TENM2: variants seen among roughly 807,000 people sequenced by gnomAD.
The protein encoded by TENM2 is teneurin transmembrane protein 2.
In TENM2, 52 loss-of-function variants were observed where a neutral mutation model predicts 245.2. The ratio of observed to expected loss-of-function variants is 0.21; its 90% confidence interval spans 0.17 to 0.27. The LOEUF is 0.27. Among genes scored for constraint, TENM2 ranks in the 10% least tolerant of loss-of-function variants. The pLI is 1.00. For synonymous variants in TENM2, 1,363 were observed against 1,438.9 expected, an observed-to-expected ratio of 0.95 and a Z score of 1.19; for missense variants, 3,046 against 3,666.8, an observed-to-expected ratio of 0.83 and a Z score of 4.37.
intron 3 of TENM2, among the ~76,000 whole-genome samples, chr5:167,931,630 G>A (rs1053406506): frequency 2.0e-4 from 31 of 151,532 alleles, no homozygotes; most frequent in African/African-American, 6.8e-4. Flanking sequence ...GGTGGAGAAT[G>A]AGCTTCTTGC....
the TENM2 span, among the ~76,000 whole-genome samples, chr5:167,243,467 A>G: frequency 6.6e-6 from 1 of 151,906 alleles, no homozygotes; most frequent in Non-Finnish European, 1.5e-5. Context: ...GGTGGGAGCC[A>G]TGGGAAAAAA....
chr5:167,140,890 A>G, the TENM2 span, among the ~76,000 whole-genome samples: 2 of 152,202 alleles, frequency 1.3e-5, no homozygotes, highest in East Asian at 3.8e-4. Context: ...TAGAAGTATC[A>G]TGCAATCTCT....
At position 168,204,104 on chromosome 5, in the gene TENM2, G is replaced by A. The variant is rs766850210; in HGVS notation, c.3575-268G>A. Among the ~76,000 whole-genome samples, 143 of 150,576 alleles carry A rather than the reference G, an allele frequency of 9.5e-4. 3 individuals carry two copies. The highest frequency in any genetic ancestry group is 1.9e-4 in the Non-Finnish European group (13 of 67,718). ...TAGCTCACTGCAACCTCGACTTCCC[G>A]GGCTCAAATGATCCTCCTGCCCCAG... is the stretch of plus-strand genomic sequence containing the variant. On this transcript the variant is annotated intron_variant, in intron 18 of 28. Coordinates refer to ENST00000518659, the Ensembl canonical transcript of TENM2.
chr5:167,082,024 T>G, the TENM2 span, among the ~76,000 whole-genome samples: 1 of 152,182 alleles, frequency 6.6e-6, no homozygotes, highest in African/African-American at 2.4e-5. Flanking sequence ...GCTCTTAAAC[T>G]CGACAGCTCT....
intron 2 of TENM2, among the ~76,000 whole-genome samples, chr5:167,485,690 C>G (rs1267934035): frequency 6.6e-6 from 1 of 151,960 alleles, no homozygotes; most frequent in South Asian, 2.1e-4. Flanking sequence ...TATGAAGAAC[C>G]CTGCCACTAT....
At chr5:167,948,288 G>A (rs1027159394) in intron 3 of TENM2, among the ~76,000 whole-genome samples, 3 of 152,128 alleles carry the variant, frequency 2.0e-5, no homozygotes, top group South Asian at 2.1e-4. Context: ...ACTGCCAACC[G>A]GTAGGCATTT....
At chr5:167,230,843 C>T in the TENM2 span, among the ~76,000 whole-genome samples, 32 of 152,274 alleles carry the variant, frequency 2.1e-4, no homozygotes, top group East Asian at 4.1e-3. Flanking sequence ...GATATGGTTA[C>T]GCTATGTGTC....
the TENM2 span, among the ~76,000 whole-genome samples, chr5:167,179,889 A>G: frequency 3.3e-5 from 5 of 152,174 alleles, no homozygotes; most frequent in African/African-American, 1.2e-4. Context: ...AAAATAATAA[A>G]GAAGAACTTC....
chr5:167,084,159 A>G, the TENM2 span, among the ~76,000 whole-genome samples: 1 of 151,010 alleles, frequency 6.6e-6, no homozygotes, highest in Non-Finnish European at 1.5e-5. Flanking sequence ...CAGAGATGCC[A>G]CATCACACTT....
At chr5:167,497,408 G>A (rs79854656) in intron 2 of TENM2, among the ~76,000 whole-genome samples, 7,132 of 152,030 alleles carry the variant, frequency 0.047, 407 homozygotes, top group African/African-American at 0.13. Flanking sequence ...CCTTTCTAAG[G>A]TACCTCAATA....
the TENM2 span, among the ~76,000 whole-genome samples, chr5:167,245,650 T>C: frequency 6.6e-6 from 1 of 152,122 alleles, no homozygotes; most frequent in East Asian, 1.9e-4. Flanking sequence ...CAATAAGTTA[T>C]GGAACATCAA....
chr5:168,019,439 G>A (rs752503579), intron 5 of TENM2, among the ~76,000 whole-genome samples: 1 of 152,136 alleles, frequency 6.6e-6, no homozygotes, highest in Admixed American at 6.5e-5. Flanking sequence ...AAGAACAATG[G>A]CAGGGCAGGC....
intron 12 of TENM2, chr5:168,130,305 A>C (rs1754458979): frequency 6.6e-6 from 1 of 152,234 alleles, no homozygotes. Context: ...ACTTATTGAC[A>C]GACTGGATTC....
chr5:167,799,180 A>G (rs536136375), intron 2 of TENM2, among the ~76,000 whole-genome samples: 11 of 152,322 alleles, frequency 7.2e-5, no homozygotes, highest in African/African-American at 2.4e-4. Flanking sequence ...ACTCAGCTGT[A>G]TCTCCCAGCA....
the TENM2 span, among the ~76,000 whole-genome samples, chr5:167,269,249 A>G: frequency 1.3e-5 from 2 of 152,048 alleles, no homozygotes; most frequent in Middle Eastern, 3.4e-3. Context: ...CCTTTTAAAC[A>G]TTTTTCCCAT....
intron 2 of TENM2, among the ~76,000 whole-genome samples, chr5:167,791,923 C>T (rs138686546): frequency 1.1e-3 from 173 of 152,274 alleles, no homozygotes; most frequent in Middle Eastern, 3.4e-3. Context: ...CCATCATCCC[C>T]ACTCTCCATA....
chr5:167,800,303 G>C (rs1583040097), intron 2 of TENM2, among the ~76,000 whole-genome samples: 1 of 152,282 alleles, frequency 6.6e-6, no homozygotes, highest in East Asian at 1.9e-4. Context: ...GATCCCTCTA[G>C]TAGTAGCTCC....
At position 167,381,560 on chromosome 5, in the gene TENM2, C is replaced by G. The variant is rs538648496; in HGVS notation, c.502+6087C>G. Among the ~76,000 whole-genome samples the G allele has an allele frequency of 2.6e-4, 40 of 152,240 alleles. 2 individuals are homozygous for G. The South Asian group carries it at 8.3e-3, about 32-fold the overall frequency. On this transcript the variant is annotated intron_variant, in intron 2 of 28. Transcript: ENST00000518659. ...TTTTTATTTTTGGCCGTTCTCAAAA[C>G]ATAAGAAGATTCAGTCACACTGGTT... is the stretch of plus-strand genomic sequence containing the variant.
intron 1 of TENM2, among the ~76,000 whole-genome samples, chr5:167,357,931 T>G (rs1336175106): frequency 6.6e-6 from 1 of 152,162 alleles, no homozygotes; most frequent in African/African-American, 2.4e-5. Flanking sequence ...ATACTCCACC[T>G]TATTGCCTAT....
Sources: allele counts gnomAD v4.1 joint callset (sites outside exome capture counted in the v4.1 genomes callset), GRCh38; gene constraint gnomAD v4.1.1; transcripts MANE v1.5; gene names NCBI Gene and HGNC (gene_info 2026-07-23, HGNC 2026-07-21).